Variants in MAF observed in about 807,000 individuals in gnomAD.
MAF encodes MAF bZIP transcription factor.
A neutral mutation model predicts 22.0 loss-of-function variants in MAF; 10 were observed. That is an observed-to-expected ratio of 0.45 (90% CI 0.28 to 0.77). MAF has a LOEUF of 0.77. Ranked by LOEUF, MAF falls within the 30% of genes least tolerant of loss-of-function variation. The pLI is 0.12. For synonymous variants in MAF, 337 were observed against 255.8 expected (o/e 1.32, Z -3.03); for missense variants, 544 against 548.4 (o/e 0.99, Z 0.08).
At chr16:79,503,183 T>C in the MAF span, among the ~76,000 whole-genome samples, 1 of 152,184 alleles carries the variant, frequency 6.6e-6, no homozygotes, top group Non-Finnish European at 1.5e-5. Flanking sequence ...CAAGATTTTA[T>C]TAAGTTTGTC....
chr16:79,250,408 C>T, the MAF span, among the ~76,000 whole-genome samples: 1 of 152,234 alleles, frequency 6.6e-6, no homozygotes, highest in Non-Finnish European at 1.5e-5. Flanking sequence ...CCCAAAGAGA[C>T]TGCGGAGAGG....
chr16:79,395,362 A>T, the MAF span, among the ~76,000 whole-genome samples: 1 of 152,206 alleles, frequency 6.6e-6, no homozygotes, highest in East Asian at 1.9e-4. Context: ...AGATAGGGGT[A>T]CCAGGTTGAA....
the MAF span, among the ~76,000 whole-genome samples, chr16:79,323,147 TAAAAAAAAAAAAAAAAAAAAAAAA>T: frequency 1.9e-3 from 38 of 19,872 alleles, 1 homozygote; most frequent in East Asian, 0.016. Flanking sequence ...AGACTCCATC[TAAAAAAAAAAAAAAAAAAAAAAAA>T]AAAAAAAAAA....
chr16:79,455,959 A>G, the MAF span, among the ~76,000 whole-genome samples: 1 of 152,190 alleles, frequency 6.6e-6, no homozygotes, highest in Non-Finnish European at 1.5e-5. Context: ...CGGAGGTTGC[A>G]GTGAGCCAAG....
In MAF at chr16:79,599,240, C is replaced by A; in HGVS notation, c.663G>T (p.Pro221=). The part of the protein sequence containing the change: ...GGAGGAGGGG[P]ASAGGGGGGG... ...CGCCGCCGCCGCCCCCAGCGCTGGC[C>A]GGGCCACCGCCGCCCGCGCCCCCAG... The change falls in exon 1 of 2, where the codon CCG becomes CCT. Residue 221 remains proline, a synonymous_variant. Transcript: ENST00000326043. The A allele has an allele frequency of 1.0e-6, 1 of 978,148 alleles. No homozygotes were observed. Among genetic ancestry groups the A allele is most frequent in the Non-Finnish European group, 1.2e-6 (1 of 827,150 alleles). 60.6% of individuals were successfully genotyped at this position (978,148 alleles called of 1,614,324 possible). A position where few individuals can be genotyped will look rare whatever the true frequency, so the allele number is the denominator to read the frequency against.
rs1191671329 is a variant in MAF at position 79,599,339 on chromosome 16, G to T, written c.564C>A (p.Ala188=). ...GPHYHHHHHH[A]AGHHHHPTAG... ...CCGTCGGGTGGTGGTGGTGGCCGGCGGCGTGGTGGTGGTGGTGGTGGTAGT... is the reference window on the plus strand; with the variant it reads ...CCGTCGGGTGGTGGTGGTGGCCGGCTGCGTGGTGGTGGTGGTGGTGGTAGT... Residue 188 remains alanine (A), a synonymous_variant, in exon 1 of 2, where the codon GCC becomes GCA. Transcript: ENST00000326043. The T allele has an allele frequency of 1.0e-6, 1 of 990,222 alleles. No homozygotes were observed. The highest frequency in any genetic ancestry group is 4.5e-5 in the South Asian group (1 of 22,110). The allele number at this position is 990,222 out of a possible 1,614,324, so 61.3% of individuals were successfully genotyped here. A position where few individuals can be genotyped will look rare whatever the true frequency, so the allele number is the denominator to read the frequency against.
At chr16:79,221,755 GTGTA>G in the MAF span, among the ~76,000 whole-genome samples, 5 of 150,562 alleles carry the variant, frequency 3.3e-5, no homozygotes, top group African/African-American at 4.9e-5. Context: ...GTGATTGTGT[GTGTA>G]TGTGTGTGTG....
chr16:79,227,564 A>G, the MAF span, among the ~76,000 whole-genome samples: 1 of 151,940 alleles, frequency 6.6e-6, no homozygotes, highest in African/African-American at 2.4e-5. Context: ...CACTCCTATT[A>G]ACCTTGAACA....
At chr16:79,326,663 T>G in the MAF span, among the ~76,000 whole-genome samples, 1 of 152,224 alleles carries the variant, frequency 6.6e-6, no homozygotes, top group Non-Finnish European at 1.5e-5. Flanking sequence ...ACTGTTTAAC[T>G]CTGCAGTTCC....
At chr16:79,592,898 G>A (rs918537053), downstream of MAF, among the ~76,000 whole-genome samples, 4 of 152,206 alleles carry the variant, frequency 2.6e-5, no homozygotes, top group Non-Finnish European at 5.9e-5. Context: ...AATCAGCAAA[G>A]TGAAGCTGGT....
the MAF span, among the ~76,000 whole-genome samples, chr16:79,299,092 G>C: frequency 2.0e-5 from 3 of 152,204 alleles, no homozygotes; most frequent in South Asian, 4.1e-4. Flanking sequence ...AGAATGAAGA[G>C]CAAATATTTG....
the MAF span, among the ~76,000 whole-genome samples, chr16:79,502,340 C>G: frequency 6.6e-6 from 1 of 152,148 alleles, no homozygotes; most frequent in Non-Finnish European, 1.5e-5. Flanking sequence ...TTACCGAACT[C>G]TTAACCTTAA....
chr16:79,480,141 C>T, the MAF span, among the ~76,000 whole-genome samples: 141 of 152,188 alleles, frequency 9.3e-4, 1 homozygote, highest in South Asian at 1.7e-3. Context: ...TGAGATACCA[C>T]CTCTCAGAAC....
At chr16:79,225,866 AAGTC>A in the MAF span, among the ~76,000 whole-genome samples, 13 of 152,230 alleles carry the variant, frequency 8.5e-5, no homozygotes, top group South Asian at 4.1e-4. Context: ...GATCATTAAA[AAGTC>A]AGGAAAGAAC....
the MAF span, among the ~76,000 whole-genome samples, chr16:79,219,919 C>T: frequency 6.6e-6 from 1 of 152,104 alleles, no homozygotes; most frequent in Admixed American, 6.6e-5. Context: ...GTTGTATCAT[C>T]GTATTTAAAT....
the MAF span, among the ~76,000 whole-genome samples, chr16:79,355,868 G>A: frequency 1.3e-5 from 2 of 152,096 alleles, no homozygotes; most frequent in East Asian, 3.9e-4. Context: ...ATTCCCAGAG[G>A]GAGATGAGGC....
the MAF span, among the ~76,000 whole-genome samples, chr16:79,339,125 A>T: frequency 1.3e-5 from 2 of 152,080 alleles, no homozygotes; most frequent in Non-Finnish European, 2.9e-5. Flanking sequence ...GCTGGAGCGC[A>T]GTGGCACCAT....
At chr16:79,475,417 C>T in the MAF span, among the ~76,000 whole-genome samples, 3 of 149,216 alleles carry the variant, frequency 2.0e-5, no homozygotes, top group African/African-American at 7.4e-5. Context: ...GAGGCAAATC[C>T]AGGTCTATGT....
chr16:79,507,276 G>C, the MAF span, among the ~76,000 whole-genome samples: 1 of 150,990 alleles, frequency 6.6e-6, no homozygotes, highest in Non-Finnish European at 1.5e-5. Context: ...ACCATGCCTG[G>C]CTAATTTTTT....
Sources: allele counts gnomAD v4.1 joint callset (sites outside exome capture counted in the v4.1 genomes callset), GRCh38; gene constraint gnomAD v4.1.1; transcripts MANE v1.5; gene names NCBI Gene and HGNC (gene_info 2026-07-23, HGNC 2026-07-21).